ADARB2: variants seen among roughly 807,000 people sequenced by gnomAD.
The protein encoded by ADARB2 is inactive double-stranded RNA-specific editase B2.
A neutral mutation model predicts 62.2 loss-of-function variants in ADARB2; 25 were observed. That is an observed-to-expected ratio of 0.40 (90% CI 0.29 to 0.56). The LOEUF is 0.56. Among genes scored for constraint, ADARB2 ranks in the 20% least tolerant of loss-of-function variants. The probability of loss-of-function intolerance (pLI) is 0.43; values close to 1 mark genes in which losing one functional copy is unlikely to be tolerated. For synonymous variants in ADARB2, 572 were observed against 500.8 expected (o/e 1.14, Z -1.90); for missense variants, 1,071 against 1,077.4 (o/e 0.99, Z 0.08).
chr10:1,548,851 T>C (rs1466625724), intron 1 of ADARB2, among the ~76,000 whole-genome samples: 1 of 152,184 alleles, frequency 6.6e-6, no homozygotes, highest in African/African-American at 2.4e-5. Flanking sequence ...TTTTGTGACC[T>C]GGGCTGACAG....
At chr10:1,466,814 T>C (rs1268231824) in intron 1 of ADARB2, among the ~76,000 whole-genome samples, 1 of 152,214 alleles carries the variant, frequency 6.6e-6, no homozygotes, top group Admixed American at 6.5e-5. Context: ...GATGTGACAC[T>C]GCTTATCAGA....
intron 3 of ADARB2, chr10:1,292,531 C>A (rs1056851098): frequency 1.3e-5 from 2 of 152,170 alleles, no homozygotes; most frequent in Non-Finnish European, 2.9e-5. Flanking sequence ...TCTTCATACC[C>A]TGTTGCACCA....
intron 1 of ADARB2, among the ~76,000 whole-genome samples, chr10:1,689,358 A>G (rs1215545117): frequency 6.6e-6 from 1 of 152,186 alleles, no homozygotes; most frequent in African/African-American, 2.4e-5. Flanking sequence ...AGAGAGGCAG[A>G]CTTAGAGCTT....
At chr10:1,474,952 C>CGGTCG (rs1437033375) in intron 1 of ADARB2, among the ~76,000 whole-genome samples, 4 of 152,136 alleles carry the variant, frequency 2.6e-5, no homozygotes, top group Non-Finnish European at 5.9e-5. Context: ...CGGCGGCTGC[C>CGGTCG]GGTCGTCCTG....
intron 1 of ADARB2, among the ~76,000 whole-genome samples, chr10:1,413,602 T>C (rs1355070132): frequency 6.6e-6 from 1 of 152,018 alleles, no homozygotes; most frequent in Non-Finnish European, 1.5e-5. Context: ...AGAAGAAACC[T>C]GGACACAGGA....
At chr10:1,474,556 G>A (rs1266188204) in intron 1 of ADARB2, among the ~76,000 whole-genome samples, 3 of 152,200 alleles carry the variant, frequency 2.0e-5, no homozygotes, top group Non-Finnish European at 4.4e-5. Context: ...CGGGCAAGGC[G>A]ATGCTGTGTC....
chr10:1,678,488 AG>A (rs1217646270), intron 1 of ADARB2, among the ~76,000 whole-genome samples: 1 of 151,668 alleles, frequency 6.6e-6, no homozygotes, highest in Non-Finnish European at 1.5e-5. Flanking sequence ...TGGGGCATGC[AG>A]GGGGGCTGCC....
At chr10:1,588,579 G>C (rs1476582973) in intron 1 of ADARB2, among the ~76,000 whole-genome samples, 1 of 152,172 alleles carries the variant, frequency 6.6e-6, no homozygotes, top group Non-Finnish European at 1.5e-5. Context: ...TCTGCGGCTG[G>C]AACATCGCCT....
intron 4 of ADARB2, among the ~76,000 whole-genome samples, chr10:1,250,005 G>A (rs1005635435): frequency 2.2e-5 from 3 of 136,526 alleles, no homozygotes; most frequent in African/African-American, 5.0e-5. Context: ...TAAGTTTAAC[G>A]AGAAATGACC....
At chr10:1,187,393 A>G (rs1485107095) in intron 8 of ADARB2, among the ~76,000 whole-genome samples, 1 of 151,298 alleles carries the variant, frequency 6.6e-6, no homozygotes, top group Non-Finnish European at 1.5e-5. Context: ...TCCCGCTCCC[A>G]TCGCCAGGCG....
chr10:1,305,321 C>T (rs1472056498), intron 3 of ADARB2, among the ~76,000 whole-genome samples: 9 of 151,710 alleles, frequency 5.9e-5, no homozygotes, highest in Non-Finnish European at 5.9e-5. Context: ...ATAAATTCCT[C>T]GACACATACA....
chr10:1,644,024 G>A (rs941378006), intron 1 of ADARB2, among the ~76,000 whole-genome samples: 3 of 152,116 alleles, frequency 2.0e-5, no homozygotes, highest in Admixed American at 6.6e-5. Context: ...GGCCCCACTC[G>A]GCCCAAGGTA....
At chr10:1,265,555 C>G (rs12774698) in intron 4 of ADARB2, among the ~76,000 whole-genome samples, 33,815 of 125,858 alleles carry the variant, frequency 0.27, 5,360 homozygotes, top group South Asian at 0.43. Flanking sequence ...GGGGCCCAGG[C>G]TCTCCCGGAA....
intron 1 of ADARB2, among the ~76,000 whole-genome samples, chr10:1,493,657 T>A (rs951923646): frequency 2.0e-5 from 3 of 150,858 alleles, no homozygotes; most frequent in African/African-American, 4.9e-5. Context: ...ACTGGTGTGA[T>A]CCTGTCTTTA....
chr10:1,614,031 G>T (rs1162243931), intron 1 of ADARB2, among the ~76,000 whole-genome samples: 1 of 152,128 alleles, frequency 6.6e-6, no homozygotes, highest in Non-Finnish European at 1.5e-5. Context: ...GAAATAAAAT[G>T]ACTTTTCTTT....
rs1836604780 is a variant in ADARB2, at chr10:1,177,567, T to C, written c.*5626A>G. Reference sequence around the variant, plus strand: ...ATTTTGCTTACAAAATGCTGAAAACTAACGGGGCACACTGGGAGAGATTTT... The same window carrying C: ...ATTTTGCTTACAAAATGCTGAAAACCAACGGGGCACACTGGGAGAGATTTT... On this transcript the variant is annotated 3_prime_UTR_variant, in exon 10 of 10. Coordinates refer to ENST00000381312, the MANE Select transcript of ADARB2 (RefSeq NM_018702.4). The C allele has an allele frequency of 1.3e-5, 2 of 149,418 alleles. No individual in the cohort carries two copies. Among genetic ancestry groups the C allele is most frequent in the African/African-American group, 5.0e-5 (2 of 39,766 alleles). The allele number at this position is 149,418 out of a possible 1,614,324, so 9.3% of individuals were successfully genotyped here.
At chr10:1,665,387 T>TG (rs1330582008) in intron 1 of ADARB2, among the ~76,000 whole-genome samples, 4 of 152,156 alleles carry the variant, frequency 2.6e-5, no homozygotes, top group African/African-American at 9.7e-5. Context: ...CACCCCGACG[T>TG]GGGGAACTCG....
At chr10:1,468,394 C>T (rs1831283736) in intron 1 of ADARB2, among the ~76,000 whole-genome samples, 1 of 152,208 alleles carries the variant, frequency 6.6e-6, no homozygotes, top group Admixed American at 6.5e-5. Context: ...AACACTCCTG[C>T]TCCCTGGTAG....
chr10:1,389,774 A>T (rs956699363), intron 1 of ADARB2, among the ~76,000 whole-genome samples: 1 of 150,782 alleles, frequency 6.6e-6, no homozygotes, highest in Non-Finnish European at 1.5e-5. Flanking sequence ...TAAATAAATA[A>T]ATAAATAAAT....
Sources: gnomAD v4.1 joint callset for allele counts (sites outside exome capture counted in the v4.1 genomes callset) on GRCh38, gnomAD v4.1.1 for gene constraint, MANE v1.5 for transcripts, NCBI Gene and HGNC (gene_info 2026-07-23, HGNC 2026-07-21) for gene names.